TTC39C: variants seen among roughly 807,000 people sequenced by gnomAD.
TTC39C encodes the protein tetratricopeptide repeat protein 39C.
In TTC39C, 33 loss-of-function variants were observed where a neutral mutation model predicts 76.3. The ratio of observed to expected loss-of-function variants is 0.43; its 90% CI spans 0.33 to 0.58. TTC39C has a LOEUF of 0.58. Ranked by LOEUF, TTC39C falls within the 20% of genes least tolerant of loss-of-function variation. The pLI is 0.04. For missense variants in TTC39C, 595 were observed against 701.4 expected (o/e 0.85, Z 1.71); for synonymous variants, 254 against 260.6 (o/e 0.97, Z 0.24).
intron 1 of TTC39C, among the ~76,000 whole-genome samples, chr18:24,009,542 A>G (rs757902238): frequency 7.2e-5 from 11 of 152,220 alleles, no homozygotes; most frequent in Non-Finnish European, 2.9e-5. Flanking sequence ...AACAGGGACT[A>G]TCAATGAAAA....
At chr18:24,029,115 TTG>T (rs34492459) in intron 1 of TTC39C, among the ~76,000 whole-genome samples, 142,282 of 151,186 alleles carry the variant, frequency 0.94, 67,086 homozygotes, top group Non-Finnish European at 0.99. Flanking sequence ...GTTGTTGTTT[TTG>T]TGTGAGACGG....
chr18:24,114,758 TAAG>T (rs2084870253), intron 7 of TTC39C, 111 bp downstream of exon 7: 4 of 697,978 alleles, frequency 5.7e-6, no homozygotes, highest in South Asian at 5.2e-5. Context: ...CCTTCTGTAG[TAAG>T]AAGGACTTCA....
At chr18:24,060,285 C>G (rs2084078850) in intron 1 of TTC39C, among the ~76,000 whole-genome samples, 1 of 149,878 alleles carries the variant, frequency 6.7e-6, no homozygotes, top group Non-Finnish European at 1.5e-5. Context: ...TGAGACGGTA[C>G]CTTATTGTGG....
rs939311621 is a variant in TTC39C, at chr18:24,095,702, AAAAC to A, written c.984+12633_984+12636del. Among the ~76,000 whole-genome samples, 8 of 152,090 alleles carry A rather than the reference AAAAC, an allele frequency of 5.3e-5. No individual in the cohort carries two copies. In the South Asian group the frequency reaches 8.3e-4, roughly 16 times the overall value. On this transcript the variant is annotated intron_variant, in intron 6 of 13. Coordinates refer to ENST00000317571, the MANE Select transcript of TTC39C (RefSeq NM_001135993.2). ...CGACAAGAGTGAAACTCCGCCTCAA[AAAAC>A]AAACAAACAAAAAAAAACTTTTCCT...
intron 2 of TTC39C, 145 bp downstream of exon 2, chr18:24,064,333 A>C (rs1478923945): frequency 1.3e-6 from 1 of 776,110 alleles, no homozygotes; most frequent in Non-Finnish European, 1.9e-6. Flanking sequence ...CCTATTACCC[A>C]ATGCCTATGA....
chr18:24,110,995 T>C (rs1006701051), intron 6 of TTC39C, among the ~76,000 whole-genome samples: 21 of 95,612 alleles, frequency 2.2e-4, no homozygotes, highest in Non-Finnish European at 4.0e-4. Context: ...AGAGAAAGAC[T>C]TTTTTTTTTT....
chr18:24,090,472 T>C (rs2084502920), intron 6 of TTC39C, among the ~76,000 whole-genome samples: 1 of 152,180 alleles, frequency 6.6e-6, no homozygotes, highest in South Asian at 2.1e-4. Context: ...TGAAAAGATA[T>C]CCATGTTTTG....
At chr18:24,046,328 T>C (rs935369611) in intron 1 of TTC39C, among the ~76,000 whole-genome samples, 1 of 151,710 alleles carries the variant, frequency 6.6e-6, no homozygotes. Context: ...ACTAGTTTAT[T>C]GTATGTGCCG....
chr18:24,069,131 G>T lies in TTC39C; in HGVS notation c.346-26G>T, dbSNP rs902518764. The T allele has an allele frequency of 1.9e-6, 3 of 1,540,742 alleles. No individual in the cohort carries two copies. The African/African-American group carries it at 4.1e-5, about 21-fold the overall frequency. The stretch of plus-strand genomic sequence containing the variant: ...TGTCGTTGTTATGTGTGATTTATCA[G>T]TGTGGACATTCTTTCTGCCAAACAG... On this transcript the variant is annotated intron_variant, in intron 3 of 13. Transcript: ENST00000317571.
intron 6 of TTC39C, among the ~76,000 whole-genome samples, chr18:24,103,940 T>TG (rs1265040215): frequency 1.1e-4 from 17 of 148,168 alleles, no homozygotes; most frequent in African/African-American, 3.9e-4. Flanking sequence ...TGTTTTTTTT[T>TG]TTTTTGTTTG....
intron 1 of TTC39C, chr18:24,019,882 A>G (rs963192854): frequency 1.3e-6 from 2 of 1,527,772 alleles, no homozygotes; most frequent in African/African-American, 1.4e-5. Context: ...GACTTCTGAG[A>G]AAACCTCAGC....
chr18:24,133,114 G>C lies in TTC39C; in HGVS notation c.*540G>C, dbSNP rs765886062. 1 of 152,200 alleles carries C rather than the reference G, an allele frequency of 6.6e-6. No homozygotes were observed. The highest frequency in any genetic ancestry group is 1.5e-5 in the Non-Finnish European group (1 of 68,052). 9.4% of individuals were successfully genotyped at this position (152,200 alleles called of 1,614,324 possible). A position where few individuals can be genotyped will look rare whatever the true frequency, so the allele number is the denominator to read the frequency against. ...AGACAGTGAAACTCAGGCACAAAAA[G>C]GCAAATTGACTTATCCCAATTAATT... On this transcript the variant is annotated 3_prime_UTR_variant, in exon 14 of 14. Coordinates refer to ENST00000317571, the MANE Select transcript of TTC39C (RefSeq NM_001135993.2).
Position 24,131,921 on chromosome 18 carries a change from G to T in TTC39C, c.1662+1G>T. The T allele has an allele frequency of 6.2e-7, 1 of 1,612,964 alleles. No homozygotes were observed. Among genetic ancestry groups the T allele is most frequent in the Non-Finnish European group, 8.5e-7 (1 of 1,179,530 alleles). On this transcript the variant is annotated splice_donor_variant, in intron 13 of 13. Transcript: ENST00000317571. LOFTEE classifies it high-confidence loss of function. ...CAGAGCTCTACTTCTTCAAGCAAAG[G>T]TAAATATCCTGAATCTACCTTTCTC...
At chr18:24,123,356 C>T (rs1297725875) in intron 8 of TTC39C, among the ~76,000 whole-genome samples, 1 of 151,920 alleles carries the variant, frequency 6.6e-6, no homozygotes, top group African/African-American at 2.4e-5. Context: ...GACTGCAGGA[C>T]GGTGCAGTCC....
intron 1 of TTC39C, among the ~76,000 whole-genome samples, chr18:24,044,182 A>G (rs573640451): frequency 1.3e-5 from 2 of 152,190 alleles, no homozygotes; most frequent in African/African-American, 4.8e-5. Context: ...TACAGAGAGG[A>G]CATCATGGAA....
rs1372938529 is a variant in TTC39C at position 24,134,255 on chromosome 18, C to A, written c.*1681C>A. The A allele has an allele frequency of 6.4e-5, 3 of 46,726 alleles. No individual in the cohort carries two copies. Among genetic ancestry groups the A allele is most frequent in the East Asian group, 6.6e-4 (1 of 1,508 alleles). The allele number at this position is 46,726 out of a possible 1,614,324, so 2.9% of individuals were successfully genotyped here. A position where few individuals can be genotyped will look rare whatever the true frequency, so the allele number is the denominator to read the frequency against. ...ATTGGTGCCCAAAAATATTGGACAT[C>A]TGTTTTTTGTTTTTTTTTTTTTTTT... is the stretch of plus-strand genomic sequence containing the variant. On this transcript the variant is annotated 3_prime_UTR_variant, in exon 14 of 14. Transcript: ENST00000317571.
At chr18:24,074,897 A>G (rs933424268) in intron 4 of TTC39C, among the ~76,000 whole-genome samples, 3 of 152,216 alleles carry the variant, frequency 2.0e-5, no homozygotes, top group Admixed American at 6.5e-5. Context: ...ACTTGGAACC[A>G]ACCCAAATAT....
intron 6 of TTC39C, among the ~76,000 whole-genome samples, chr18:24,097,474 T>A (rs1599322306): frequency 1.3e-5 from 2 of 152,358 alleles, no homozygotes; most frequent in East Asian, 3.9e-4. Context: ...CTGCAGCTGA[T>A]CTGGGTGCAG....
chr18:24,092,123 A>AAAAT (rs1555775346), intron 6 of TTC39C, among the ~76,000 whole-genome samples: 1 of 50,532 alleles, frequency 2.0e-5, no homozygotes, highest in African/African-American at 5.0e-5. Flanking sequence ...AAAAAAAAAA[A>AAAAT]AATAATAATA....
Sources: allele counts gnomAD v4.1 joint callset (sites outside exome capture counted in the v4.1 genomes callset), GRCh38; gene constraint gnomAD v4.1.1; transcripts MANE v1.5; gene names NCBI Gene and HGNC (gene_info 2026-07-23, HGNC 2026-07-21).